NLK: variants seen among roughly 807,000 people sequenced by gnomAD.
NLK encodes nemo like kinase, also known as serine/threonine-protein kinase NLK.
Under a neutral mutation model 59.0 loss-of-function variants are expected in NLK, and 11 were observed. That is an observed-to-expected ratio of 0.19 (90% CI 0.12 to 0.31). NLK has a LOEUF of 0.31. Ranked by LOEUF, NLK falls within the 10% of genes least tolerant of loss-of-function variation. The probability of loss-of-function intolerance (pLI) is 1.00; values close to 1 mark genes in which losing one functional copy is unlikely to be tolerated. For missense variants in NLK, 410 were observed against 661.1 expected, an observed-to-expected ratio of 0.62 and a Z score of 4.16; for synonymous variants, 235 against 235.9, an observed-to-expected ratio of 1.00 and a Z score of 0.03.
intron 1 of NLK, among the ~76,000 whole-genome samples, chr17:28,084,887 G>A (rs1033498645): frequency 6.6e-6 from 1 of 151,942 alleles, no homozygotes; most frequent in Non-Finnish European, 1.5e-5. Context: ...TCTATTTTTT[G>A]CAGTATTGTT....
At chr17:28,064,975 G>C (rs1483717878) in intron 1 of NLK, among the ~76,000 whole-genome samples, 1 of 152,030 alleles carries the variant, frequency 6.6e-6, no homozygotes, top group Non-Finnish European at 1.5e-5. Flanking sequence ...TTCCATCTTT[G>C]TTTTATGGAG....
At chr17:28,095,922 TCTAA>T (rs769423959) in intron 1 of NLK, among the ~76,000 whole-genome samples, 120 of 152,332 alleles carry the variant, frequency 7.9e-4, no homozygotes, top group Non-Finnish European at 1.3e-3. Flanking sequence ...TGTTGTGTGT[TCTAA>T]CTGTTGCACT....
At chr17:28,074,728 T>G (rs924001670) in intron 1 of NLK, among the ~76,000 whole-genome samples, 1 of 152,092 alleles carries the variant, frequency 6.6e-6, no homozygotes, top group South Asian at 2.1e-4. Context: ...TTTGAAGATA[T>G]ATAGATGGGA....
intron 7 of NLK, 71 bp downstream of exon 7, chr17:28,172,689 C>A: frequency 2.5e-6 from 2 of 801,118 alleles, no homozygotes; most frequent in Non-Finnish European, 3.6e-6. Context: ...ATAGAGTAAT[C>A]TATTAAGGAT....
At chr17:28,141,787 T>C (rs1907003991) in intron 3 of NLK, among the ~76,000 whole-genome samples, 1 of 152,322 alleles carries the variant, frequency 6.6e-6, no homozygotes, top group Non-Finnish European at 1.5e-5. Flanking sequence ...ATTTGCCCTT[T>C]CTCTTCATGA....
At chr17:28,153,101 C>G (rs1907553231) in intron 3 of NLK, among the ~76,000 whole-genome samples, 1 of 151,860 alleles carries the variant, frequency 6.6e-6, no homozygotes. Context: ...TGGAGAAACC[C>G]TATCTCTACT....
chr17:28,145,063 A>G (rs1271384441), intron 3 of NLK, among the ~76,000 whole-genome samples: 1 of 152,226 alleles, frequency 6.6e-6, no homozygotes, highest in Non-Finnish European at 1.5e-5. Flanking sequence ...ATTGAATTGT[A>G]TCTTTGGCAG....
At chr17:28,095,478 G>C (rs1452592387) in intron 1 of NLK, among the ~76,000 whole-genome samples, 1 of 152,184 alleles carries the variant, frequency 6.6e-6, no homozygotes, top group Non-Finnish European at 1.5e-5. Flanking sequence ...TTCAGAGCTT[G>C]TGGGAAAAGA....
intron 7 of NLK, among the ~76,000 whole-genome samples, chr17:28,181,156 G>C (rs1908888198): frequency 6.6e-6 from 1 of 151,956 alleles, no homozygotes; most frequent in Non-Finnish European, 1.5e-5. Context: ...CCCAGCACTT[G>C]GGGAGTCCGA....
chr17:28,114,445 A>G (rs1351606704), intron 1 of NLK, among the ~76,000 whole-genome samples: 4 of 152,212 alleles, frequency 2.6e-5, no homozygotes, highest in Admixed American at 6.5e-5. Context: ...GGAGTTCTGT[A>G]TACATCTGGA....
intron 1 of NLK, among the ~76,000 whole-genome samples, chr17:28,059,377 T>C (rs1909553110): frequency 6.6e-6 from 1 of 152,160 alleles, no homozygotes; most frequent in Non-Finnish European, 1.5e-5. Context: ...AGTCCTTTAT[T>C]TTGAAAAGAA....
chr17:28,060,850 A>G (rs1377736833), intron 1 of NLK, among the ~76,000 whole-genome samples: 1 of 152,184 alleles, frequency 6.6e-6, no homozygotes, highest in Non-Finnish European at 1.5e-5. Flanking sequence ...CAGTTTCGCA[A>G]AATTGAATGC....
intron 1 of NLK, among the ~76,000 whole-genome samples, chr17:28,044,664 C>A (rs1908993122): frequency 6.6e-6 from 1 of 152,232 alleles, no homozygotes; most frequent in South Asian, 2.1e-4. Flanking sequence ...GCCTTCCTCT[C>A]TTCCCTTCCA....
At chr17:28,203,665 T>C in the NLK span, among the ~76,000 whole-genome samples, 1 of 152,138 alleles carries the variant, frequency 6.6e-6, no homozygotes, top group Non-Finnish European at 1.5e-5. Flanking sequence ...CTCTCCCACA[T>C]AGCTGGGACT....
At chr17:28,147,394 G>C (rs960221754) in intron 3 of NLK, among the ~76,000 whole-genome samples, 1 of 152,094 alleles carries the variant, frequency 6.6e-6, no homozygotes, top group African/African-American at 2.4e-5. Context: ...TTGACAGTTG[G>C]GGTAGTCAGT....
At chr17:28,149,131 G>A (rs1428242806) in intron 3 of NLK, among the ~76,000 whole-genome samples, 2 of 152,204 alleles carry the variant, frequency 1.3e-5, no homozygotes, top group Non-Finnish European at 2.9e-5. Flanking sequence ...GGCAATCAGA[G>A]CTCACTGCAG....
intron 7 of NLK, among the ~76,000 whole-genome samples, chr17:28,177,811 G>A (rs958730489): frequency 4.6e-5 from 7 of 152,186 alleles, no homozygotes; most frequent in Non-Finnish European, 7.3e-5. Context: ...TCCATAGTCT[G>A]GAGCAGATAG....
At chr17:28,167,229 G>A (rs1169592613) in intron 5 of NLK, among the ~76,000 whole-genome samples, 13 of 151,822 alleles carry the variant, frequency 8.6e-5, no homozygotes, top group Non-Finnish European at 1.5e-4. Context: ...GGTTTTGTGG[G>A]GGTTTTTAAA....
intron 1 of NLK, among the ~76,000 whole-genome samples, chr17:28,111,151 G>A (rs896731720): frequency 2.6e-5 from 4 of 151,588 alleles, no homozygotes; most frequent in Non-Finnish European, 4.4e-5. Flanking sequence ...TTCTGAATAG[G>A]ACATCTGGAC....
Sources: allele counts gnomAD v4.1 joint callset (sites outside exome capture counted in the v4.1 genomes callset), GRCh38; gene constraint gnomAD v4.1.1; transcripts MANE v1.5; gene names NCBI Gene and HGNC (gene_info 2026-07-23, HGNC 2026-07-21).